Variants in ZZEF1 observed in about 807,000 individuals in gnomAD.
The protein encoded by ZZEF1 is zinc finger ZZ-type and EF-hand domain-containing protein 1.
ZZEF1 carries 157 observed loss-of-function variants against 342.8 expected under a neutral mutation model. That is an observed-to-expected ratio of 0.46 (90% CI 0.40 to 0.52). The LOEUF is 0.52. Ranked by LOEUF, ZZEF1 falls within the 20% of genes least tolerant of loss-of-function variation. The pLI is 0.00. For missense variants in ZZEF1, 3,480 were observed against 3,725.6 expected, an observed-to-expected ratio of 0.93 and a Z score of 1.72; for synonymous variants, 1,505 against 1,429.1, an observed-to-expected ratio of 1.05 and a Z score of -1.20.
intron 19 of ZZEF1, among the ~76,000 whole-genome samples, chr17:4,077,538 A>T (rs1392079622): frequency 6.6e-6 from 1 of 152,228 alleles, no homozygotes; most frequent in Non-Finnish European, 1.5e-5. Flanking sequence ...TCTAAAATTC[A>T]AGACTTTCAT....
intron 46 of ZZEF1, 132 bp downstream of exon 46, chr17:4,019,537 A>T: frequency 1.4e-6 from 1 of 740,732 alleles, no homozygotes; most frequent in South Asian, 1.7e-5. Context: ...CGCCTTACAA[A>T]GGACTAGCAA....
chr17:4,097,145 C>T (rs930096820), intron 9 of ZZEF1, among the ~76,000 whole-genome samples: 1 of 151,656 alleles, frequency 6.6e-6, no homozygotes, highest in Non-Finnish European at 1.5e-5. Context: ...CCTGTAGTCC[C>T]ACCTACTCGG....
intron 6 of ZZEF1, among the ~76,000 whole-genome samples, chr17:4,108,656 C>T (rs2058249762): frequency 6.6e-6 from 1 of 152,146 alleles, no homozygotes; most frequent in South Asian, 2.1e-4. Flanking sequence ...ACAGGAAATA[C>T]ACACTAAAGC....
At chr17:4,009,496 G>C (rs1225292313) in intron 53 of ZZEF1, 108 bp downstream of exon 53, 1 of 1,492,768 alleles carries the variant, frequency 6.7e-7, no homozygotes, top group East Asian at 2.3e-5. Context: ...GGCCTGTCGA[G>C]ACCCTGGCCA....
At position 4,019,190 on chromosome 17, in the gene ZZEF1, GA is replaced by G. The variant is rs566615211; in HGVS notation, c.7505+478del. ...TTAAATGAGAATTTACAATGAGTAA[GA>G]AGTCAAAATTAGGATACGGGGGATG... On this transcript the variant is annotated intron_variant, in intron 46 of 54. Coordinates refer to ENST00000381638, the MANE Select transcript of ZZEF1 (RefSeq NM_015113.4). 1.1e-3 allele frequency among the ~76,000 whole-genome samples: 161 copies of G among 152,206 alleles called. 1 individual carries two copies. Among genetic ancestry groups the G allele is most frequent in the African/African-American group, 3.7e-3 (154 of 41,484 alleles).
chr17:4,017,930 G>C lies in ZZEF1; in HGVS notation c.7547C>G (p.Ser2516Cys), dbSNP rs756419685. The C allele has an allele frequency of 6.2e-7, 1 of 1,614,044 alleles. No homozygotes were observed. Reference protein sequence around the residue: ...DELTTDERIRSLAQRWQPSKS... With the variant: ...DELTTDERIRCLAQRWQPSKS... ...ACTGGGCTGCCACCGCTGAGCCAGG[G>C]ACCGTATCCTTTCATCTGTGGTGAG... The change falls in exon 47 of 55, where the codon TCC (serine) becomes TGC (cysteine). Residue 2516 changes from serine (S) to cysteine (C), a missense_variant. Physicochemically the swap from Ser to Cys is moderately radical, Grantham distance 112. Coordinates refer to ENST00000381638, the MANE Select transcript of ZZEF1 (RefSeq NM_015113.4). The surrounding 1 kb of genome is among the most constrained non-coding windows in gnomAD (Gnocchi z 5.1).
At position 4,049,706 on chromosome 17, in the gene ZZEF1, A is replaced by G. The variant is rs780963955; in HGVS notation, c.6015+2T>C. ...TCTGTGTAGTAAAGAATCGTCATTT[A>G]CATTGCCTGCTTCTGACAGCTCAGC... On this transcript the variant is annotated splice_donor_variant, in intron 37 of 54. Coordinates refer to ENST00000381638, the MANE Select transcript of ZZEF1 (RefSeq NM_015113.4). LOFTEE classifies it high-confidence loss of function. 6.2e-7 allele frequency: 1 copy of G among 1,613,914 alleles called. No individual in the cohort carries two copies. Among genetic ancestry groups the G allele is most frequent in the Non-Finnish European group, 8.5e-7 (1 of 1,179,944 alleles).
At chr17:4,100,699 G>A (rs2058112973) in intron 9 of ZZEF1, among the ~76,000 whole-genome samples, 1 of 152,180 alleles carries the variant, frequency 6.6e-6, no homozygotes, top group Admixed American at 6.5e-5. Context: ...GCCGGGCGTG[G>A]TGGCGGGCGC....
At chr17:4,069,058 G>A (rs1476538273) in intron 26 of ZZEF1, among the ~76,000 whole-genome samples, 3 of 152,168 alleles carry the variant, frequency 2.0e-5, no homozygotes, top group South Asian at 2.1e-4. Flanking sequence ...CACACAGCAA[G>A]ACATTCCGAG....
At chr17:4,114,964 T>C (rs778582509) in intron 3 of ZZEF1, among the ~76,000 whole-genome samples, 36 of 152,206 alleles carry the variant, frequency 2.4e-4, no homozygotes, top group Non-Finnish European at 4.9e-4. Context: ...CAAATGTATA[T>C]ATAAACATAC....
chr17:4,037,307 C>T (rs2145085728), intron 39 of ZZEF1, among the ~76,000 whole-genome samples: 1 of 152,336 alleles, frequency 6.6e-6, no homozygotes, highest in East Asian at 1.9e-4. Flanking sequence ...TAAACATGAT[C>T]AGTAATGAAA....
Position 4,105,778 on chromosome 17 carries a change from G to C in ZZEF1, c.1309C>G (p.Leu437Val), listed in dbSNP as rs1202519266. 1 of 1,613,210 alleles carries C rather than the reference G, an allele frequency of 6.2e-7. No individual in the cohort carries two copies. The highest frequency in any genetic ancestry group is 8.5e-7 in the Non-Finnish European group (1 of 1,179,714). The stretch of plus-strand genomic sequence containing the variant: ...GAGAAATCTGTAGATCCTGGTGAGA[G>C]AGAGAGTGGAGGCATGTGCCGCAGC... ...KALRHMPPLS[L>V]SPGSTDFSTF... is the part of the protein sequence containing the mutation. The change falls in exon 7 of 55, where the codon CTC becomes GTC. Residue 437 changes from leucine to valine, a missense_variant. Transcript: ENST00000381638.
chr17:4,121,746 C>A (rs1401439640), intron 2 of ZZEF1, among the ~76,000 whole-genome samples: 1 of 149,132 alleles, frequency 6.7e-6, no homozygotes, highest in African/African-American at 2.5e-5. Context: ...TTTTTTGAGA[C>A]AGGGTCTCGC....
intron 29 of ZZEF1, among the ~76,000 whole-genome samples, chr17:4,063,948 G>A (rs555029114): frequency 1.6e-4 from 24 of 151,676 alleles, no homozygotes; most frequent in African/African-American, 5.6e-4. Flanking sequence ...GGCAGGTCTC[G>A]AACACCTGAC....
Position 4,109,721 on chromosome 17 carries a change from C to T in ZZEF1, c.1209G>A (p.Leu403=), listed in dbSNP as rs1397492802. Residue 403 remains leucine (L), a synonymous_variant, in exon 6 of 55, where the codon CTG becomes CTA. Transcript: ENST00000381638. The part of the protein sequence containing the change: ...DASAIWYWSL[L]TSLVTASMET... Reference sequence around the variant, plus strand: ...CCATAGAAGCCGTCACCAGAGATGTCAGCAGAGACCAATACCATATTGCAG... The same window carrying T: ...CCATAGAAGCCGTCACCAGAGATGTTAGCAGAGACCAATACCATATTGCAG... 1.2e-6 allele frequency: 2 copies of T among 1,614,034 alleles called. No homozygotes were observed. Among genetic ancestry groups the T allele is most frequent in the African/African-American group, 2.7e-5 (2 of 74,908 alleles).
intron 1 of ZZEF1, among the ~76,000 whole-genome samples, chr17:4,129,989 C>T (rs1161961414): frequency 6.6e-6 from 1 of 151,980 alleles, no homozygotes; most frequent in Non-Finnish European, 1.5e-5. Context: ...AAAGAAGAAA[C>T]AACGGACCCT....
At chr17:4,019,871 CCA>C (rs2056221988) in intron 45 of ZZEF1, 102 bp from the exon 46 acceptor site, 1 of 833,102 alleles carries the variant, frequency 1.2e-6, no homozygotes, top group Non-Finnish European at 1.8e-6. Context: ...GCAAAAGCTG[CCA>C]CAGGTTATAA....
rs147122064 is a variant in ZZEF1, at chr17:4,134,312, C to T, written c.354+8230G>A. Among the ~76,000 whole-genome samples the T allele has an allele frequency of 5.0e-3, 741 of 146,898 alleles. 2 individuals are homozygous for T. Among genetic ancestry groups the T allele is most frequent in the Middle Eastern group, 7.1e-3 (2 of 280 alleles). ...CTAGCCTGGGTGGTAGATGAAGACC[C>T]TGTCTCAAAAAGAAAAAATATATAT... On this transcript the variant is annotated intron_variant, in intron 1 of 54. Transcript: ENST00000381638.
chr17:4,130,409 C>T (rs1057422025), intron 1 of ZZEF1, among the ~76,000 whole-genome samples: 2 of 152,082 alleles, frequency 1.3e-5, no homozygotes, highest in Non-Finnish European at 2.9e-5. Context: ...GCTGAGATCT[C>T]ACCCTTGCAC....
Sources: allele counts gnomAD v4.1 joint callset (sites outside exome capture counted in the v4.1 genomes callset), GRCh38; gene constraint gnomAD v4.1.1; non-coding constraint Gnocchi (gnomAD v3.1); transcripts MANE v1.5; gene names NCBI Gene and HGNC (gene_info 2026-07-23, HGNC 2026-07-21).